CRYBG3: variants seen among roughly 807,000 people sequenced by gnomAD.
CRYBG3 encodes the protein crystallin beta-gamma domain containing 3.
CRYBG3 carries 127 observed loss-of-function variants against 244.2 expected under a neutral mutation model. The observed-to-expected ratio is 0.52, with a 90% CI of 0.45 to 0.60. The LOEUF (loss-of-function observed/expected upper bound fraction) is 0.60. CRYBG3 is among the 20% of genes least tolerant of loss of function. The pLI, the probability that CRYBG3 is intolerant of heterozygous loss-of-function variation, is 0.00. For missense variants in CRYBG3, 3,325 were observed against 3,442.5 expected (o/e 0.97, Z 0.85); for synonymous variants, 1,132 against 1,195.8 (o/e 0.95, Z 1.10).
intron 2 of CRYBG3, among the ~76,000 whole-genome samples, chr3:97,851,006 G>A (rs1364746210): frequency 4.6e-5 from 7 of 151,980 alleles, no homozygotes; most frequent in African/African-American, 1.2e-4. Context: ...ATGGGCGTGC[G>A]CCTGTAATCC....
At position 97,892,893 on chromosome 3, in the gene CRYBG3, C is replaced by G; in HGVS notation, c.7474C>G (p.Gln2492Glu). The change falls in exon 11 of 22, where the codon CAG becomes GAG. Residue 2492 changes from glutamine to glutamate, a missense_variant. By Grantham distance (29) the Gln-to-Glu change is conservative (BLOSUM62 2). This residue lies in a region of CRYBG3 where 714 missense variants were observed against 803.6 expected (regional missense o/e 0.89). Coordinates refer to ENST00000389622, the MANE Select transcript of CRYBG3 (RefSeq NM_153605.4). ...TTATGAAAAACCTCACTTCCATGGA[C>G]AGGCTAAAGAGTTTAGTGAACATAT... is the stretch of plus-strand genomic sequence containing the variant. ...IIYEKPHFHGQAKEFSEHIDS... is the reference protein window; with the variant it reads ...IIYEKPHFHGEAKEFSEHIDS... The G allele has an allele frequency of 6.5e-7, 1 of 1,542,276 alleles. No homozygotes were observed. Among genetic ancestry groups the G allele is most frequent in the Non-Finnish European group, 8.8e-7 (1 of 1,132,214 alleles).
In CRYBG3 at chr3:97,877,369, G is replaced by T; in HGVS notation, c.6175G>T (p.Gly2059Cys). 1 of 1,614,098 alleles carries T rather than the reference G, an allele frequency of 6.2e-7. No homozygotes were observed. Among genetic ancestry groups the T allele is most frequent in the Non-Finnish European group, 8.5e-7 (1 of 1,180,002 alleles). ...TCACTTTGAAAAAGGTACTAAATTA[G>T]GTGAGACATTTGATAGTGATAGTTC... Reference protein sequence around the residue: ...VHHFEKGTKLGETFDSDSSEM... With the variant: ...VHHFEKGTKLCETFDSDSSEM... The change falls in exon 4 of 22, where the codon GGT becomes TGT. Residue 2059 changes from glycine (G) to cysteine (C), a missense_variant. Gly to Cys is a radical substitution (Grantham distance 159). This residue lies in a region of CRYBG3 where 450 missense variants were observed against 424.1 expected (regional missense o/e 1.06). Coordinates refer to ENST00000389622, the MANE Select transcript of CRYBG3 (RefSeq NM_153605.4).
At chr3:97,829,637 T>C (rs1458218154) in intron 1 of CRYBG3, among the ~76,000 whole-genome samples, 2 of 152,262 alleles carry the variant, frequency 1.3e-5, no homozygotes, top group Admixed American at 1.3e-4. Flanking sequence ...TTCTTCCATG[T>C]GATCCTAACA....
chr3:97,872,351 G>A lies in CRYBG3; in HGVS notation c.1157G>A (p.Gly386Glu). ...RNLVCSALLT[G>E]SNHRKVPCSP... is the part of the protein sequence containing the mutation. Reference sequence around the variant, plus strand: ...TTGGTATGTTCAGCATTGTTAACAGGAAGTAACCATCGCAAAGTCCCTTGC... The same window carrying A: ...TTGGTATGTTCAGCATTGTTAACAGAAAGTAACCATCGCAAAGTCCCTTGC... The change falls in exon 4 of 22, where the codon GGA (glycine) becomes GAA (glutamate). Residue 386 changes from glycine (G) to glutamate (E), a missense_variant. Physicochemically the swap from Gly to Glu is moderately conservative, Grantham distance 98 (BLOSUM62 -2). Transcript: ENST00000389622. 6.5e-7 allele frequency: 1 copy of A among 1,535,948 alleles called. No individual in the cohort carries two copies. The highest frequency in any genetic ancestry group is 8.7e-7 in the Non-Finnish European group (1 of 1,146,816).
Position 97,908,570 on chromosome 3 carries a change from C to G in CRYBG3, c.8005-3597C>G, listed in dbSNP as rs562434185. Among the ~76,000 whole-genome samples, 19 of 152,116 alleles carry G rather than the reference C, an allele frequency of 1.2e-4. No individual in the cohort carries two copies. The South Asian group carries it at 3.3e-3, about 27-fold the overall frequency. On this transcript the variant is annotated intron_variant, in intron 15 of 21. Transcript: ENST00000389622. ...TTTTATCAGAGACTAGGATTGCAAC[C>G]CCTGCCTTTTTTTGTTTTCCATTTG...
intron 2 of CRYBG3, among the ~76,000 whole-genome samples, chr3:97,863,755 GTC>G (rs2039184667): frequency 6.6e-6 from 1 of 151,944 alleles, no homozygotes; most frequent in South Asian, 2.1e-4. Flanking sequence ...GTCTCTTTAC[GTC>G]TCTCTCCATA....
Position 97,874,696 on chromosome 3 carries a change from G to A in CRYBG3, c.3502G>A (p.Gly1168Ser), listed in dbSNP as rs190589534. ...AGPAASVNSS[G>S]QQCSEASAEH... ...GCCTGCAGCGTCAGTTAACAGCTCA[G>A]GCCAACAGTGTTCTGAAGCCTCTGC... Residue 1168 changes from glycine (G) to serine (S), a missense_variant, in exon 4 of 22, where the codon GGC (glycine) becomes AGC (serine). Gly to Ser is a moderately conservative substitution (Grantham distance 56, BLOSUM62 0). This residue lies in a region of CRYBG3 where 1,526 missense variants were observed against 1,443.2 expected (regional missense o/e 1.06). Coordinates refer to ENST00000389622, the MANE Select transcript of CRYBG3 (RefSeq NM_153605.4). 618 of 1,535,832 alleles carry A rather than the reference G, an allele frequency of 4.0e-4. No homozygotes were observed. Among genetic ancestry groups the A allele is most frequent in the Middle Eastern group, 2.5e-3 (15 of 5,980 alleles).
At chr3:97,884,950 T>A (rs2039491247) in intron 7 of CRYBG3, among the ~76,000 whole-genome samples, 1 of 152,182 alleles carries the variant, frequency 6.6e-6, no homozygotes, top group Non-Finnish European at 1.5e-5. Flanking sequence ...TACAACACAA[T>A]GCAGAGGAAA....
chr3:97,922,825 A>G (rs2039997132), intron 17 of CRYBG3, among the ~76,000 whole-genome samples: 1 of 152,274 alleles, frequency 6.6e-6, no homozygotes, highest in South Asian at 2.1e-4. Flanking sequence ...TGACCCAGCA[A>G]TCTCATTACT....
At chr3:97,841,330 A>G (rs1190739548) in intron 1 of CRYBG3, among the ~76,000 whole-genome samples, 1 of 150,742 alleles carries the variant, frequency 6.6e-6, no homozygotes, top group Non-Finnish European at 1.5e-5. Flanking sequence ...GCATATATAT[A>G]TGTATATATG....
At chr3:97,925,727 T>C (rs537911030) in intron 17 of CRYBG3, among the ~76,000 whole-genome samples, 24 of 152,094 alleles carry the variant, frequency 1.6e-4, no homozygotes, top group Non-Finnish European at 2.9e-4. Context: ...TAAATTCATC[T>C]GTATTTGCTA....
Position 97,874,243 on chromosome 3 carries a change from GA to G in CRYBG3, c.3056del (p.Asn1019IlefsTer17). On this transcript the variant is annotated frameshift_variant, in exon 4 of 22. Transcript: ENST00000389622. LOFTEE classifies it high-confidence loss of function. The part of the protein sequence containing the change: ...SPFLDSDSSL[E>X]KNSSASEDSS... ...TTTTCTGGATTCTGATTCCAGTTTG[GA>G]AAAAAATTCTTCTGCATCTGAGGAC... 1.3e-6 allele frequency: 2 copies of G among 1,533,958 alleles called. No individual in the cohort carries two copies. The highest frequency in any genetic ancestry group is 2.4e-5 in the South Asian group (2 of 83,358).
At chr3:97,897,125 T>G (rs553280434) in intron 12 of CRYBG3, among the ~76,000 whole-genome samples, 24 of 152,216 alleles carry the variant, frequency 1.6e-4, no homozygotes, top group Middle Eastern at 3.4e-3. Flanking sequence ...ATTTTATATT[T>G]GCTTTTGTTG....
intron 17 of CRYBG3, among the ~76,000 whole-genome samples, chr3:97,924,712 C>T (rs747416407): frequency 5.3e-5 from 8 of 152,082 alleles, no homozygotes; most frequent in Non-Finnish European, 1.2e-4. Context: ...TCTTAACCCT[C>T]CTACCTTCCT....
rs562274434 is a variant in CRYBG3 at position 97,899,485 on chromosome 3, C to T, written c.7971+222C>T. Among the ~76,000 whole-genome samples, 5 of 152,272 alleles carry T rather than the reference C, an allele frequency of 3.3e-5. No homozygotes were observed. In the South Asian group the frequency reaches 1.0e-3, roughly 32 times the overall value. On this transcript the variant is annotated intron_variant, in intron 14 of 21. Coordinates refer to ENST00000389622, the MANE Select transcript of CRYBG3 (RefSeq NM_153605.4). Reference sequence around the variant, plus strand: ...TTTGATCAGTTCATTCACTTAACAGCATTTATTTAGTGTCTCTGATGTGTT... The same window carrying T: ...TTTGATCAGTTCATTCACTTAACAGTATTTATTTAGTGTCTCTGATGTGTT...
intron 2 of CRYBG3, among the ~76,000 whole-genome samples, chr3:97,848,317 A>G (rs1009614503): frequency 1.3e-5 from 2 of 152,004 alleles, no homozygotes; most frequent in African/African-American, 2.4e-5. Flanking sequence ...TGTTTTTTTG[A>G]GATGGAGTCT....
intron 1 of CRYBG3, among the ~76,000 whole-genome samples, chr3:97,822,738 G>A (rs1157564628): frequency 6.6e-6 from 1 of 152,340 alleles, no homozygotes; most frequent in African/African-American, 2.4e-5. Flanking sequence ...TGCAGTAATG[G>A]GAAACACTTG....
chr3:97,876,059 A>T lies in CRYBG3; in HGVS notation c.4865A>T (p.Tyr1622Phe). 1 of 1,232,134 alleles carries T rather than the reference A, an allele frequency of 8.1e-7. No homozygotes were observed. Among genetic ancestry groups the T allele is most frequent in the Non-Finnish European group, 1.0e-6 (1 of 987,948 alleles). The allele number at this position is 1,232,134 out of a possible 1,614,324, so 76.3% of individuals were successfully genotyped here. A position where few individuals can be genotyped will look rare whatever the true frequency, so the allele number is the denominator to read the frequency against. The change falls in exon 4 of 22, where the codon TAT becomes TTT. Residue 1622 changes from tyrosine to phenylalanine, a missense_variant. This residue lies in a region of CRYBG3 where 635 missense variants were observed against 771.7 expected (regional missense o/e 0.82). Transcript: ENST00000389622. ...GTCATTTTAGGAATGGAAAAAGCTT[A>T]TAAGATGAAGGATACTGAAGGGGAT... ...SAVILGMEKA[Y>F]KMKDTEGDIG...
At chr3:97,879,286 C>G (rs1381050157) in intron 4 of CRYBG3, among the ~76,000 whole-genome samples, 1 of 152,162 alleles carries the variant, frequency 6.6e-6, no homozygotes, top group African/African-American at 2.4e-5. Context: ...CCATCACAAC[C>G]TGCCACATTT....
Sources: allele counts gnomAD v4.1 joint callset (sites outside exome capture counted in the v4.1 genomes callset), GRCh38; gene constraint gnomAD v4.1.1; regional missense constraint gnomAD v4.1.1; transcripts MANE v1.5; gene names NCBI Gene and HGNC (gene_info 2026-07-23, HGNC 2026-07-21).